STAM2: variants seen among roughly 807,000 people sequenced by gnomAD.
STAM2 encodes the protein signal transducing adaptor molecule 2, also known as signal transducing adapter molecule 2.
In STAM2, 51 loss-of-function variants were observed where a neutral mutation model predicts 65.6. The observed-to-expected ratio is 0.78, with a 90% CI of 0.62 to 0.98. The LOEUF (loss-of-function observed/expected upper bound fraction) is 0.98. STAM2 is among the 50% of genes least tolerant of loss of function. The pLI is 0.00. For missense variants in STAM2, 584 were observed against 617.8 expected (o/e 0.95, Z 0.58); for synonymous variants, 198 against 208.4 (o/e 0.95, Z 0.43).
At chr2:152,140,204 A>G (rs1218475542) in intron 7 of STAM2, among the ~76,000 whole-genome samples, 1 of 152,224 alleles carries the variant, frequency 6.6e-6, no homozygotes, top group Non-Finnish European at 1.5e-5. Context: ...CTCAGAGGAT[A>G]TAAAATCTGA....
intron 7 of STAM2, among the ~76,000 whole-genome samples, chr2:152,138,146 C>G (rs1689188378): frequency 6.6e-6 from 1 of 152,018 alleles, no homozygotes; most frequent in African/African-American, 2.4e-5. Flanking sequence ...TGAAATTATG[C>G]AATAATATAA....
intron 7 of STAM2, among the ~76,000 whole-genome samples, chr2:152,142,649 T>A (rs1427741045): frequency 1.3e-5 from 2 of 152,234 alleles, no homozygotes; most frequent in Non-Finnish European, 1.5e-5. Context: ...TTCAATACTT[T>A]ATTATAATAA....
intron 1 of STAM2, among the ~76,000 whole-genome samples, chr2:152,174,350 A>G (rs1689967904): frequency 6.6e-6 from 1 of 152,228 alleles, no homozygotes; most frequent in Non-Finnish European, 1.5e-5. Flanking sequence ...AGAATACTGC[A>G]ATGAGGCGTT....
chr2:152,164,794 A>G (rs991852637), intron 1 of STAM2, among the ~76,000 whole-genome samples: 1 of 152,240 alleles, frequency 6.6e-6, no homozygotes, highest in Non-Finnish European at 1.5e-5. Context: ...AGAATTGAGC[A>G]TAAGGGGAGC....
At chr2:152,168,314 C>A (rs1689832671) in intron 1 of STAM2, among the ~76,000 whole-genome samples, 2 of 152,034 alleles carry the variant, frequency 1.3e-5, no homozygotes, top group Admixed American at 1.3e-4. Flanking sequence ...GCATGCACCA[C>A]ATGTCCGGCT....
chr2:152,152,278 C>T (rs960735506), intron 1 of STAM2, among the ~76,000 whole-genome samples: 3 of 151,482 alleles, frequency 2.0e-5, no homozygotes, highest in East Asian at 2.0e-4. Flanking sequence ...GGGCCAGGAG[C>T]GGTGGCTCAC....
intron 7 of STAM2, among the ~76,000 whole-genome samples, chr2:152,138,031 C>T (rs893093084): frequency 6.6e-6 from 1 of 152,102 alleles, no homozygotes; most frequent in South Asian, 2.1e-4. Context: ...TTCTATGTTA[C>T]TCTTTCTCAT....
At chr2:152,124,309 A>G (rs1266430055) in intron 12 of STAM2, 1 of 170,642 alleles carries the variant, frequency 5.9e-6, no homozygotes, top group Non-Finnish European at 1.3e-5. Flanking sequence ...AAGTCACTAT[A>G]AGAATGATAA....
Position 152,120,229 on chromosome 2 carries a change from C to T in STAM2, c.*345G>A, listed in dbSNP as rs1431271169. 2 of 190,474 alleles carry T rather than the reference C, an allele frequency of 1.1e-5. No homozygotes were observed. The highest frequency in any genetic ancestry group is 1.1e-4 in the South Asian group (1 of 8,990). 11.8% of individuals were successfully genotyped at this position (190,474 alleles called of 1,614,324 possible). On this transcript the variant is annotated 3_prime_UTR_variant, in exon 14 of 14. Coordinates refer to ENST00000263904, the MANE Select transcript of STAM2 (RefSeq NM_005843.6). ...TGTCGATCATGCTACTGCACTCCAGCCTGGGTGACAGAGCGAGTTTGTCAT... is the reference window on the plus strand; with the variant it reads ...TGTCGATCATGCTACTGCACTCCAGTCTGGGTGACAGAGCGAGTTTGTCAT...
rs1688766952 is a variant in STAM2 at position 152,117,385 on chromosome 2, C to G, written c.*3189G>C. On this transcript the variant is annotated 3_prime_UTR_variant, in exon 14 of 14. Coordinates refer to ENST00000263904, the MANE Select transcript of STAM2 (RefSeq NM_005843.6). ...ATGTTGCCAGGTTGGTCTCAAACTC[C>G]TAGCCTCAAGCAATACTCCTATCTC... 1 of 152,082 alleles carries G rather than the reference C, an allele frequency of 6.6e-6. No individual in the cohort carries two copies. The allele number at this position is 152,082 out of a possible 1,614,324, so 9.4% of individuals were successfully genotyped here.
chr2:152,149,034 T>C (rs1434261749), intron 2 of STAM2, among the ~76,000 whole-genome samples: 1 of 152,248 alleles, frequency 6.6e-6, no homozygotes, highest in African/African-American at 2.4e-5. Context: ...ATCACTCTTC[T>C]AAATTTCTAA....
rs1464049683 is a variant in STAM2, at chr2:152,132,139, C to G, written c.1000G>C (p.Asp334His). The change falls in exon 11 of 14, where the codon GAT (aspartate) becomes CAT (histidine). Residue 334 changes from aspartate (D) to histidine (H), a missense_variant. By Grantham distance (81) the Asp-to-His change is moderately conservative. Transcript: ENST00000263904. ...DICQQMGPMI[D>H]EKLEEIDRKH... ...CTATCAATTTCTTCAAGTTTTTCAT[C>G]TATCATTGGACCCATCTGTTGGCAG... 7 of 1,611,716 alleles carry G rather than the reference C, an allele frequency of 4.3e-6. No individual in the cohort carries two copies. The highest frequency in any genetic ancestry group is 5.9e-6 in the Non-Finnish European group (7 of 1,178,722).
chr2:152,167,300 T>C (rs181497369), intron 1 of STAM2, among the ~76,000 whole-genome samples: 24 of 152,284 alleles, frequency 1.6e-4, no homozygotes, highest in African/African-American at 5.1e-4. Context: ...CAAGGTGCTA[T>C]AGGGACAGAG....
intron 1 of STAM2, among the ~76,000 whole-genome samples, chr2:152,173,693 G>A (rs942763973): frequency 6.6e-6 from 1 of 152,042 alleles, no homozygotes; most frequent in African/African-American, 2.4e-5. Flanking sequence ...CGCTGCGCCT[G>A]ACCCTTGCTT....
chr2:152,171,412 A>C (rs190231402), intron 1 of STAM2, among the ~76,000 whole-genome samples: 1 of 103,672 alleles, frequency 9.6e-6, no homozygotes, highest in African/African-American at 5.2e-5. Flanking sequence ...AAAACTTTTT[A>C]AAAAAATTTT....
At chr2:152,172,630 A>C (rs1170162112) in intron 1 of STAM2, among the ~76,000 whole-genome samples, 3 of 152,084 alleles carry the variant, frequency 2.0e-5, no homozygotes, top group South Asian at 4.1e-4. Flanking sequence ...ACACTTTGGG[A>C]GGCCGAGGCG....
intron 8 of STAM2, 52 bp from the exon 9 acceptor site, chr2:152,133,536 A>G (rs535702465): frequency 2.1e-6 from 3 of 1,431,788 alleles, no homozygotes; most frequent in African/African-American, 2.8e-5. Flanking sequence ...CAGTAATTTT[A>G]GTCATTAATT....
chr2:152,168,400 C>T (rs559417929), intron 1 of STAM2, among the ~76,000 whole-genome samples: 20 of 152,174 alleles, frequency 1.3e-4, no homozygotes, highest in African/African-American at 4.1e-4. Flanking sequence ...CCTTGTAATC[C>T]GCCCACCTCG....
intron 1 of STAM2, among the ~76,000 whole-genome samples, chr2:152,164,989 C>A (rs960475908): frequency 2.0e-5 from 3 of 152,124 alleles, no homozygotes; most frequent in Non-Finnish European, 4.4e-5. Context: ...ACCACGTCCC[C>A]CTAACTCCAC....
Sources: gnomAD v4.1 joint callset for allele counts (sites outside exome capture counted in the v4.1 genomes callset) on GRCh38, gnomAD v4.1.1 for gene constraint, MANE v1.5 for transcripts, NCBI Gene and HGNC (gene_info 2026-07-23, HGNC 2026-07-21) for gene names.